The following XRCC1 variants were observed in gnomAD, a reference collection of about 807,000 sequenced individuals.
The protein encoded by XRCC1 is X-ray repair cross complementing 1, also known as DNA repair protein XRCC1.
XRCC1 carries 52 observed loss-of-function variants against 83.3 expected under a neutral mutation model. The ratio of observed to expected loss-of-function variants is 0.62; its 90% CI spans 0.50 to 0.79. XRCC1 has a LOEUF of 0.79. Ranked by LOEUF, XRCC1 falls within the 30% of genes least tolerant of loss-of-function variation. The pLI is 0.00. For missense variants in XRCC1, 793 were observed against 823.5 expected, an observed-to-expected ratio of 0.96 and a Z score of 0.45; for synonymous variants, 281 against 312.6, an observed-to-expected ratio of 0.90 and a Z score of 1.07.
chr19:43,567,329 T>A (rs1972763858), intron 2 of XRCC1, among the ~76,000 whole-genome samples: 1 of 152,178 alleles, frequency 6.6e-6, no homozygotes, highest in Non-Finnish European at 1.5e-5. Context: ...ATGTTTTTTG[T>A]TGAGACGGAG....
At position 43,548,766 on chromosome 19, in the gene XRCC1, C is replaced by CAAAAAAAAAAAAA. The variant is rs60740505; in HGVS notation, c.1200-1802_1200-1790dup. Among the ~76,000 whole-genome samples the CAAAAAAAAAAAAA allele has an allele frequency of 8.1e-3, 520 of 64,410 alleles. 33 individuals carry two copies. The highest frequency in any genetic ancestry group is 0.01 in the Non-Finnish European group (340 of 32,506). The allele number at this position is 64,410 out of a possible 152,430, so 42.3% of individuals were successfully genotyped here. On this transcript the variant is annotated intron_variant, in intron 10 of 16. Coordinates refer to ENST00000262887, the MANE Select transcript of XRCC1 (RefSeq NM_006297.3). ...TCTGTGAGAAACACCCAAGAATGAT[C>CAAAAAAAAAAAAA]AAAAAAAAAAAAAAAAAAAACACAA...
rs756636464 is a variant in XRCC1, at chr19:43,546,083, C to T, written c.1450G>A (p.Asp484Asn). 6.8e-6 allele frequency: 11 copies of T among 1,613,432 alleles called. No homozygotes were observed. Among genetic ancestry groups the T allele is most frequent in the Admixed American group, 3.3e-5 (2 of 59,956 alleles). The change falls in exon 13 of 17, where the codon GAT becomes AAT. Residue 484 changes from aspartate (D) to asparagine (N), a missense_variant. Coordinates refer to ENST00000262887, the MANE Select transcript of XRCC1 (RefSeq NM_006297.3). ...AGCTCATCCTCTGTGTCCCCAGAATCTTCCGCCCCATTGTCCTGTCCTTCT... is the reference window on the plus strand; with the variant it reads ...AGCTCATCCTCTGTGTCCCCAGAATTTTCCGCCCCATTGTCCTGTCCTTCT... ...QSEGQDNGAE[D>N]SGDTEDELRR...
At chr19:43,570,897 A>C (rs1022887656) in intron 2 of XRCC1, among the ~76,000 whole-genome samples, 1 of 152,030 alleles carries the variant, frequency 6.6e-6, no homozygotes, top group African/African-American at 2.4e-5. Context: ...ATCCAGAGTA[A>C]CCCCACAAAT....
intron 3 of XRCC1, among the ~76,000 whole-genome samples, chr19:43,556,413 AAAG>A (rs1282477820): frequency 1.3e-5 from 2 of 152,198 alleles, no homozygotes; most frequent in East Asian, 3.9e-4. Flanking sequence ...GGGGGACACC[AAAG>A]AAGAGGTGAA....
chr19:43,562,311 G>A (rs1035871229), intron 2 of XRCC1, among the ~76,000 whole-genome samples: 9 of 152,114 alleles, frequency 5.9e-5, no homozygotes, highest in African/African-American at 1.9e-4. Flanking sequence ...TGGAAGGAGG[G>A]AGCCTGGACT....
intron 3 of XRCC1, among the ~76,000 whole-genome samples, chr19:43,559,479 C>CAAAAAAAAA: frequency 1.8e-5 from 1 of 56,526 alleles, no homozygotes; most frequent in Non-Finnish European, 3.0e-5. Flanking sequence ...GACTCCATCT[C>CAAAAAAAAA]AAAAAAAAAA....
rs1199602267 is a variant in XRCC1 at position 43,561,050 on chromosome 19, T to C, written c.145-30A>G. Reference sequence around the variant, plus strand: ...GGGCAGAGAGAGAGGCCACTGTCAGTGCCTGCTCTGCCTCTGGGCTCACTG... The same window carrying C: ...GGGCAGAGAGAGAGGCCACTGTCAGCGCCTGCTCTGCCTCTGGGCTCACTG... On this transcript the variant is annotated intron_variant, in intron 2 of 16. Coordinates refer to ENST00000262887, the MANE Select transcript of XRCC1 (RefSeq NM_006297.3). 4 of 1,529,442 alleles carry C rather than the reference T, an allele frequency of 2.6e-6. No homozygotes were observed. In the Admixed American group the frequency reaches 5.0e-5, roughly 19 times the overall value. 94.7% of individuals were successfully genotyped at this position (1,529,442 alleles called of 1,614,324 possible).
intron 10 of XRCC1, among the ~76,000 whole-genome samples, chr19:43,548,040 G>T (rs903000297): frequency 2.7e-5 from 4 of 147,914 alleles, no homozygotes; most frequent in Non-Finnish European, 4.5e-5. Flanking sequence ...CGTCCGGGAG[G>T]GAGGTGGGGG....
chr19:43,555,367 G>A (rs558274868), intron 3 of XRCC1: 1 of 152,380 alleles, frequency 6.6e-6, no homozygotes, highest in Admixed American at 6.5e-5. Flanking sequence ...GCCAATAGGG[G>A]GGGCAAGAGA....
chr19:43,567,937 C>T (rs1972769418), intron 2 of XRCC1, among the ~76,000 whole-genome samples: 1 of 150,254 alleles, frequency 6.7e-6, no homozygotes, highest in Non-Finnish European at 1.5e-5. Context: ...TACAGTGGCA[C>T]GATCTCGGCT....
intron 10 of XRCC1, among the ~76,000 whole-genome samples, chr19:43,548,216 C>T (rs1366932157): frequency 1.3e-5 from 2 of 152,042 alleles, no homozygotes; most frequent in African/African-American, 2.4e-5. Flanking sequence ...TCTGCCCGGC[C>T]GCCCCTTCTG....
At chr19:43,566,361 C>T (rs768065415) in intron 2 of XRCC1, among the ~76,000 whole-genome samples, 16 of 151,078 alleles carry the variant, frequency 1.1e-4, no homozygotes, top group South Asian at 2.1e-4. Flanking sequence ...GGTGAAACCC[C>T]GTCTCTAGTA....
intron 5 of XRCC1, 21 bp downstream of exon 5, chr19:43,553,588 G>T: frequency 6.2e-7 from 1 of 1,611,568 alleles, no homozygotes; most frequent in African/African-American, 1.3e-5. Context: ...AAGGCCATGG[G>T]GAGTGACAGG....
chr19:43,573,792 T>C (rs1972827434), intron 2 of XRCC1, among the ~76,000 whole-genome samples: 1 of 152,116 alleles, frequency 6.6e-6, no homozygotes, highest in Non-Finnish European at 1.5e-5. Flanking sequence ...GGAGGATCGC[T>C]TGAGCCCAGG....
chr19:43,548,582 A>G (rs1161504337), intron 10 of XRCC1, among the ~76,000 whole-genome samples: 9 of 152,120 alleles, frequency 5.9e-5, no homozygotes, highest in South Asian at 2.1e-4. Context: ...CAGCATGCTC[A>G]TTAAGAGTCA....
At chr19:43,556,476 G>T (rs1156572837) in intron 3 of XRCC1, among the ~76,000 whole-genome samples, 1 of 152,204 alleles carries the variant, frequency 6.6e-6, no homozygotes, top group Non-Finnish European at 1.5e-5. Flanking sequence ...AAGGAATTGA[G>T]AGTAGCAATT....
chr19:43,574,963 GGTAA>G lies in XRCC1; in HGVS notation c.87_90del (p.Tyr30GlufsTer114), dbSNP rs1350195511. On this transcript the variant is annotated frameshift_variant, in exon 2 of 17. Coordinates refer to ENST00000262887, the MANE Select transcript of XRCC1 (RefSeq NM_006297.3). LOFTEE classifies it high-confidence loss of function. ...CCTGCCTTGGCTGCCCGCCATTTTC[GGTAA>G]GTGTCTGCCTTGAGAAGATTTTCTG... is the stretch of plus-strand genomic sequence containing the variant. 9 of 1,614,134 alleles carry G rather than the reference GGTAA, an allele frequency of 5.6e-6. No homozygotes were observed. The highest frequency in any genetic ancestry group is 7.6e-6 in the Non-Finnish European group (9 of 1,180,028).
chr19:43,550,048 T>TC (rs1202942520), intron 10 of XRCC1, among the ~76,000 whole-genome samples: 2 of 151,944 alleles, frequency 1.3e-5, no homozygotes, highest in Non-Finnish European at 2.9e-5. Context: ...TGACACTTCA[T>TC]CCCTCCCAAC....
Position 43,545,962 on chromosome 19 carries a change from G to A in XRCC1, c.1482-5C>T, listed in dbSNP as rs760473357. 6.2e-7 allele frequency: 1 copy of A among 1,613,762 alleles called. No homozygotes were observed. Among genetic ancestry groups the A allele is most frequent in the Non-Finnish European group, 8.5e-7 (1 of 1,179,832 alleles). On this transcript the variant is annotated splice_polypyrimidine_tract_variant and splice_region_variant and intron_variant, in intron 13 of 16. Coordinates refer to ENST00000262887, the MANE Select transcript of XRCC1 (RefSeq NM_006297.3). ...TGTTCCTTCTGCTCTGCCACCCTGG[G>A]GGTGCCAAGAGGAGTAGAGAGTGAG... is the stretch of plus-strand genomic sequence containing the variant.
Sources: gnomAD v4.1 joint callset for allele counts (sites outside exome capture counted in the v4.1 genomes callset) on GRCh38, gnomAD v4.1.1 for gene constraint, MANE v1.5 for transcripts, NCBI Gene and HGNC (gene_info 2026-07-23, HGNC 2026-07-21) for gene names.